APOB: variants seen among roughly 807,000 people sequenced by gnomAD.
The protein encoded by APOB is apolipoprotein B, also known as apolipoprotein B-100.
In APOB, 153 loss-of-function variants were observed where a neutral mutation model predicts 314.1. The observed-to-expected ratio is 0.49, with a 90% CI of 0.43 to 0.56. The LOEUF is 0.56. Ranked by LOEUF, APOB falls within the 20% of genes least tolerant of loss-of-function variation. APOB has a pLI of 0.00. For synonymous variants in APOB, 2,087 were observed against 2,036.4 expected, an observed-to-expected ratio of 1.02 and a Z score of -0.67; for missense variants, 5,430 against 5,350.7, an observed-to-expected ratio of 1.01 and a Z score of -0.46.
intron 12 of APOB, 136 bp downstream of exon 12, chr2:21,029,503 G>T (rs973287992): frequency 1.0e-6 from 1 of 959,766 alleles, no homozygotes; most frequent in African/African-American, 1.7e-5. Context: ...GAGGAAGGAA[G>T]GAAGGAAGGA....
At chr2:21,042,014 C>T (rs1039118782) in intron 3 of APOB, among the ~76,000 whole-genome samples, 6 of 152,196 alleles carry the variant, frequency 3.9e-5, no homozygotes, top group African/African-American at 4.8e-5. Flanking sequence ...AGTGCGATTC[C>T]GAGTTGCCTG....
chr2:21,014,736 T>G, intron 23 of APOB, 143 bp from the exon 24 acceptor site: 1 of 866,596 alleles, frequency 1.2e-6, no homozygotes, highest in South Asian at 1.7e-5. Context: ...AACAGAAAAT[T>G]ATGAATCTTC....
At chr2:21,022,049 G>C (rs1663619282) in intron 18 of APOB, among the ~76,000 whole-genome samples, 1 of 152,108 alleles carries the variant, frequency 6.6e-6, no homozygotes, top group Non-Finnish European at 1.5e-5. Flanking sequence ...TTGAACTCTT[G>C]GGCTCAGTTG....
At chr2:21,004,725 T>C in intron 26 of APOB, 50 bp from the exon 27 acceptor site, 1 of 1,392,226 alleles carries the variant, frequency 7.2e-7, no homozygotes, top group Non-Finnish European at 1.0e-6. Flanking sequence ...AGTAGGACGT[T>C]GATGTTTTCA....
intron 2 of APOB, among the ~76,000 whole-genome samples, chr2:21,042,838 C>T (rs988592177): frequency 6.6e-6 from 1 of 151,728 alleles, no homozygotes; most frequent in Admixed American, 6.6e-5. Context: ...AGCTTGAACA[C>T]GCCGTAATTC....
At position 21,002,200 on chromosome 2, in the gene APOB, C is replaced by CT. The variant is rs747550861; in HGVS notation, c.13221dup (p.Val4408SerfsTer12). ...ACTAACAGGTTCTTGATCAGACTGA[C>CT]TATCTTTTCTTCAAGTTCATAATAT... On this transcript the variant is annotated frameshift_variant, in exon 29 of 29. Transcript: ENST00000233242. LOFTEE classifies it low-confidence loss of function (END_TRUNC). 7 of 1,613,866 alleles carry CT rather than the reference C, an allele frequency of 4.3e-6. No individual in the cohort carries two copies. The African/African-American group carries it at 9.3e-5, about 22-fold the overall frequency.
intron 18 of APOB, 23 bp downstream of exon 18, chr2:21,022,808 G>A: frequency 6.2e-7 from 1 of 1,610,276 alleles, no homozygotes; most frequent in East Asian, 2.2e-5. Context: ...AACTGGCTAG[G>A]CAGACTTGGC....
At position 21,028,529 on chromosome 2, in the gene APOB, C is replaced by A; in HGVS notation, c.1627G>T (p.Val543Phe). The A allele has an allele frequency of 9.9e-6, 16 of 1,610,698 alleles. No homozygotes were observed. The highest frequency in any genetic ancestry group is 1.4e-5 in the Non-Finnish European group (16 of 1,178,708). The change falls in exon 13 of 29, where the codon GTT becomes TTT. Residue 543 changes from valine to phenylalanine, a missense_variant. Val to Phe is a conservative substitution (Grantham distance 50). Transcript: ENST00000233242. ...TCATCAAGGAAAGTCTGAAGAAGAACCTCCTGGTCCTGCAGTCAAAAGAGG... is the reference window on the plus strand; with the variant it reads ...TCATCAAGGAAAGTCTGAAGAAGAAACTCCTGGTCCTGCAGTCAAAAGAGG... ...KMEPKDKDQE[V>F]LLQTFLDDAS...
chr2:21,014,285 T>C (rs1206859911), intron 24 of APOB, among the ~76,000 whole-genome samples, 163 bp downstream of exon 24: 2 of 152,252 alleles, frequency 1.3e-5, no homozygotes, highest in Non-Finnish European at 2.9e-5. Flanking sequence ...TTCTCATGTT[T>C]ACTAATGCAA....
Position 21,019,040 on chromosome 2 carries a change from C to T in APOB, c.3073G>A (p.Glu1025Lys). ...AGGGTATCCACCAAGGCTCTGTCCT[C>T]TCTCTGGAGCTCATAGGTTGCGCTG... ...SVSATYELQR[E>K]DRALVDTLKF... Residue 1025 changes from glutamate (E) to lysine (K), a missense_variant, in exon 20 of 29, where the codon GAG becomes AAG. This residue lies in a region of APOB where 2,085 missense variants were observed against 2,079.7 expected (regional missense o/e 1.00). Transcript: ENST00000233242. The T allele has an allele frequency of 6.2e-7, 1 of 1,614,078 alleles. No homozygotes were observed. Among genetic ancestry groups the T allele is most frequent in the Non-Finnish European group, 8.5e-7 (1 of 1,180,020 alleles).
intron 3 of APOB, 62 bp from the exon 4 acceptor site, chr2:21,041,145 A>G (rs946391801): frequency 1.3e-6 from 2 of 1,555,782 alleles, no homozygotes; most frequent in Non-Finnish European, 1.7e-6. Context: ...TGGCCCCTGA[A>G]GCCCAGGGCT....
rs758874392 is a variant in APOB, at chr2:21,030,010, T to C, written c.1358A>G (p.His453Arg). The C allele has an allele frequency of 3.1e-6, 5 of 1,598,494 alleles. No individual in the cohort carries two copies. The highest frequency in any genetic ancestry group is 2.7e-5 in the African/African-American group (2 of 74,716). The change falls in exon 11 of 29, where the codon CAT (histidine) becomes CGT (arginine). Residue 453 changes from histidine to arginine, a missense_variant. This residue lies in a region of APOB where 2,085 missense variants were observed against 2,079.7 expected (regional missense o/e 1.00). Coordinates refer to ENST00000233242, the MANE Select transcript of APOB (RefSeq NM_000384.3). ...CTGGGTCCCTGTAGGGTTTGTCTTA[T>C]GATAGCTACAGAATAAGAGAAGAGA... Reference protein sequence around the residue: ...YALSHAVNNYHKTNPTGTQEL... With the variant: ...YALSHAVNNYRKTNPTGTQEL...
chr2:21,016,906 C>A (rs1369958366), intron 20 of APOB, among the ~76,000 whole-genome samples: 1 of 151,786 alleles, frequency 6.6e-6, no homozygotes, highest in Admixed American at 6.6e-5. Context: ...ATGGCATGAA[C>A]CCGGGAGGCG....
chr2:21,040,560 C>T (rs1664105531), intron 4 of APOB, among the ~76,000 whole-genome samples: 1 of 152,198 alleles, frequency 6.6e-6, no homozygotes, highest in Non-Finnish European at 1.5e-5. Context: ...GGTGAACAGA[C>T]CCTGCCCCGC....
At position 21,027,808 on chromosome 2, in the gene APOB, C is replaced by A; in HGVS notation, c.2067+20G>T. 1 of 1,588,532 alleles carries A rather than the reference C, an allele frequency of 6.3e-7. No individual in the cohort carries two copies. The highest frequency in any genetic ancestry group is 8.6e-7 in the Non-Finnish European group (1 of 1,156,772). On this transcript the variant is annotated intron_variant, in intron 14 of 28. Coordinates refer to ENST00000233242, the MANE Select transcript of APOB (RefSeq NM_000384.3). ...TGCTGTACAAAATGGGCTAGAGAAC[C>A]TCAAACTCTTCACACTTACCTCGAT... is the stretch of plus-strand genomic sequence containing the variant.
intron 3 of APOB, 119 bp downstream of exon 3, chr2:21,042,242 G>A (rs1572804941): frequency 1.3e-6 from 1 of 792,750 alleles, no homozygotes; most frequent in East Asian, 2.4e-5. Flanking sequence ...AACAGTTCTG[G>A]GATGTTCTGC....
At position 21,012,488 on chromosome 2, in the gene APOB, G is replaced by A. The variant is rs750482005; in HGVS notation, c.4380C>T (p.Ser1460=). 1.2e-6 allele frequency: 2 copies of A among 1,614,192 alleles called. No individual in the cohort carries two copies. The highest frequency in any genetic ancestry group is 1.1e-5 in the South Asian group (1 of 91,074). The part of the protein sequence containing the change: ...KGLLIFDASS[S]WGPQMSASVH... The stretch of plus-strand genomic sequence containing the variant: ...CTGAAGCAGACATCTGTGGTCCCCA[G>A]GAACTAGATGCATCGAATATTAGTA... The change falls in exon 26 of 29, where the codon TCC becomes TCT. Residue 1460 remains serine, a synonymous_variant. Transcript: ENST00000233242.
At position 21,040,967 on chromosome 2, in the gene APOB, G is replaced by T. The variant is rs781633079; in HGVS notation, c.354C>A (p.Asn118Lys). 8.1e-6 allele frequency: 13 copies of T among 1,613,986 alleles called. No homozygotes were observed. Among genetic ancestry groups the T allele is most frequent in the Non-Finnish European group, 1.1e-5 (13 of 1,180,042 alleles). ...EGKALLKKTK[N>K]SEEFAAAMSR... ...ACATGGCTGCAGCAAACTCCTCAGA[G>T]TTCTTGGTTTTCTTCAGCAAGGCTT... The change falls in exon 4 of 29, where the codon AAC becomes AAA. Residue 118 changes from asparagine (N) to lysine (K), a missense_variant. By Grantham distance (94) the Asn-to-Lys change is moderately conservative. Around this residue, in one of 3 missense-constraint regions of APOB, gnomAD observed 2,085 missense variants for 2,079.7 expected, o/e 1.00. Transcript: ENST00000233242.
At position 21,034,801 on chromosome 2, in the gene APOB, G is replaced by A. The variant is rs770413220; in HGVS notation, c.904+15C>T. 2 of 1,499,662 alleles carry A rather than the reference G, an allele frequency of 1.3e-6. No individual in the cohort carries two copies. Among genetic ancestry groups the A allele is most frequent in the Non-Finnish European group, 1.9e-6 (2 of 1,075,586 alleles). The allele number at this position is 1,499,662 out of a possible 1,614,324, so 92.9% of individuals were successfully genotyped here. A position where few individuals can be genotyped will look rare whatever the true frequency, so the allele number is the denominator to read the frequency against. On this transcript the variant is annotated intron_variant, in intron 8 of 28. Transcript: ENST00000233242. ...GAGTAGATTTTCCAGCAACTATGTGGACAGAAACTCTTACCTTCACCAAAG... is the reference window on the plus strand; with the variant it reads ...GAGTAGATTTTCCAGCAACTATGTGAACAGAAACTCTTACCTTCACCAAAG...
Sources: allele counts gnomAD v4.1 joint callset (sites outside exome capture counted in the v4.1 genomes callset), GRCh38; gene constraint gnomAD v4.1.1; regional missense constraint gnomAD v4.1.1; transcripts MANE v1.5; gene names NCBI Gene and HGNC (gene_info 2026-07-23, HGNC 2026-07-21).